The following RYR3 variants were observed in gnomAD, a reference collection of about 807,000 sequenced individuals.
RYR3 encodes the protein ryanodine receptor 3.
RYR3 carries 207 observed loss-of-function variants against 584.3 expected under a neutral mutation model. The observed-to-expected ratio is 0.35, with a 90% confidence interval of 0.32 to 0.40. The LOEUF (loss-of-function observed/expected upper bound fraction) is 0.40. Ranked by LOEUF, RYR3 falls within the 10% of genes least tolerant of loss-of-function variation. The probability of loss-of-function intolerance (pLI) is 1.00; values close to 1 mark genes in which losing one functional copy is unlikely to be tolerated. For missense variants in RYR3, 5,616 were observed against 6,089.2 expected (o/e 0.92, Z 2.59); for synonymous variants, 2,416 against 2,248.5 (o/e 1.07, Z -2.11).
At chr15:33,758,555 A>G (rs4780179) in intron 60 of RYR3, among the ~76,000 whole-genome samples, 152,173 of 152,300 alleles carry the variant, frequency 1, 76,024 homozygotes, top group Middle Eastern at 1. Flanking sequence ...GGAACGCACC[A>G]CAGCACGGCA....
chr15:33,864,022 G>C (rs935359211), intron 102 of RYR3, 116 bp from the exon 103 acceptor site: 2 of 672,760 alleles, frequency 3.0e-6, no homozygotes, highest in Non-Finnish European at 2.6e-6. Context: ...GATCATTTAA[G>C]TCACTGTAGA....
intron 1 of RYR3, among the ~76,000 whole-genome samples, chr15:33,349,205 A>C (rs1389780870): frequency 6.7e-6 from 1 of 148,510 alleles, no homozygotes; most frequent in African/African-American, 2.5e-5. Flanking sequence ...AATTGCTTCC[A>C]GTTTTGGGGA....
At chr15:33,681,020 C>T (rs900645546) in intron 38 of RYR3, among the ~76,000 whole-genome samples, 1 of 152,184 alleles carries the variant, frequency 6.6e-6, no homozygotes, top group Non-Finnish European at 1.5e-5. Context: ...TAGGTGCTTT[C>T]TGTGTTTAAT....
In RYR3 at chr15:33,647,442, A is replaced by G; in HGVS notation, c.3960A>G (p.Ile1320Met). Residue 1320 changes from isoleucine to methionine, a missense_variant, in exon 30 of 104, where the codon ATA becomes ATG. Physicochemically the swap from Ile to Met is conservative, Grantham distance 10 (BLOSUM62 1). This residue lies in a region of RYR3 where 753 missense variants were observed against 741.0 expected (regional missense o/e 1.02). Coordinates refer to ENST00000634891, the MANE Select transcript of RYR3 (RefSeq NM_001036.6). ...AFQKRKQMQE[I>M]LSHTTTQCYY... ...CCCCCAGGAAACAGATGCAAGAAAT[A>G]CTCTCTCATACAACAACAGTAAGTA... The G allele has an allele frequency of 2.5e-6, 4 of 1,606,854 alleles. No homozygotes were observed. Among genetic ancestry groups the G allele is most frequent in the Non-Finnish European group, 3.4e-6 (4 of 1,173,644 alleles).
intron 18 of RYR3, among the ~76,000 whole-genome samples, chr15:33,610,221 A>G (rs1253034455): frequency 6.6e-6 from 1 of 152,160 alleles, no homozygotes; most frequent in South Asian, 2.1e-4. Context: ...CCATTCTGCA[A>G]CTATGTTAGA....
At chr15:33,677,921 A>G (rs376318477) in intron 38 of RYR3, among the ~76,000 whole-genome samples, 50 of 152,342 alleles carry the variant, frequency 3.3e-4, no homozygotes, top group African/African-American at 1.2e-3. Flanking sequence ...GGATAGAGTC[A>G]GGAGGCTCCA....
At chr15:33,363,628 G>A (rs1443458691) in intron 1 of RYR3, among the ~76,000 whole-genome samples, 2 of 152,126 alleles carry the variant, frequency 1.3e-5, no homozygotes, top group Non-Finnish European at 2.9e-5. Flanking sequence ...ATTATTTAAA[G>A]GAATTACTGA....
At chr15:33,546,670 T>A (rs556288195) in intron 8 of RYR3, among the ~76,000 whole-genome samples, 1 of 152,320 alleles carries the variant, frequency 6.6e-6, no homozygotes, top group South Asian at 2.1e-4. Context: ...TAAGTACCCT[T>A]ATTAGAAAGC....
intron 1 of RYR3, among the ~76,000 whole-genome samples, chr15:33,382,777 T>G (rs1160072577): frequency 6.6e-6 from 1 of 152,176 alleles, no homozygotes; most frequent in Non-Finnish European, 1.5e-5. Flanking sequence ...TATATATGCA[T>G]AGAAAAATTT....
At chr15:33,498,668 C>A (rs2051663608) in intron 2 of RYR3, among the ~76,000 whole-genome samples, 1 of 152,110 alleles carries the variant, frequency 6.6e-6, no homozygotes, top group African/African-American at 2.4e-5. Flanking sequence ...CTTTTCTGTG[C>A]ACAAGCTTTT....
At chr15:33,629,913 C>T (rs1171205132) in intron 21 of RYR3, 27 bp from the exon 22 acceptor site, 1 of 1,362,814 alleles carries the variant, frequency 7.3e-7, no homozygotes. Context: ...AAACTTAAAT[C>T]ACATTCTTTC....
chr15:33,553,940 G>A (rs989653076), intron 10 of RYR3, among the ~76,000 whole-genome samples: 4 of 152,042 alleles, frequency 2.6e-5, no homozygotes, highest in African/African-American at 7.2e-5. Context: ...CTTGAGCTCC[G>A]GCATACTATT....
chr15:33,589,649 A>G (rs985800410), intron 16 of RYR3, among the ~76,000 whole-genome samples: 1 of 152,188 alleles, frequency 6.6e-6, no homozygotes, highest in African/African-American at 2.4e-5. Context: ...TTAGTGAAAG[A>G]GAGGGATCCC....
chr15:33,425,572 C>T (rs1012192515), intron 1 of RYR3, among the ~76,000 whole-genome samples: 3 of 151,646 alleles, frequency 2.0e-5, no homozygotes, highest in African/African-American at 7.3e-5. Flanking sequence ...GTGTTGTCTG[C>T]TATAGTCTAC....
At chr15:33,562,247 C>T (rs975145656) in intron 10 of RYR3, among the ~76,000 whole-genome samples, 4 of 152,154 alleles carry the variant, frequency 2.6e-5, no homozygotes, top group East Asian at 3.9e-4. Flanking sequence ...AGAATGAAAC[C>T]GCTTGACTAC....
At chr15:33,551,899 C>T (rs926463185) in intron 10 of RYR3, among the ~76,000 whole-genome samples, 2 of 152,150 alleles carry the variant, frequency 1.3e-5, no homozygotes, top group African/African-American at 4.8e-5. Context: ...GTCGTAAGAA[C>T]AGAGACTGGG....
intron 38 of RYR3, among the ~76,000 whole-genome samples, chr15:33,679,494 A>G (rs796066599): frequency 3.3e-5 from 5 of 152,338 alleles, no homozygotes; most frequent in African/African-American, 1.2e-4. Flanking sequence ...ATTTAACCCA[A>G]TGAAGCCAAA....
chr15:33,819,826 C>T lies in RYR3; in HGVS notation c.10758+19C>T. On this transcript the variant is annotated intron_variant, in intron 77 of 103. Transcript: ENST00000634891. ...GGCCAAGGTACACCCAGGTTTTCTG[C>T]CCATTGTCTCTGTCTTTCTGTCTTC... 1 of 1,573,272 alleles carries T rather than the reference C, an allele frequency of 6.4e-7. No individual in the cohort carries two copies.
At position 33,646,340 on chromosome 15, in the gene RYR3, C is replaced by T. The variant is rs1335982719; in HGVS notation, c.3766-11C>T. 6.3e-7 allele frequency: 1 copy of T among 1,590,250 alleles called. No individual in the cohort carries two copies. The highest frequency in any genetic ancestry group is 8.6e-7 in the Non-Finnish European group (1 of 1,163,804). ...TTGGTATGTCAAGGTAAGGACTCGT[C>T]CTGTTTCCAGGTCATGAGGATTGAT... On this transcript the variant is annotated splice_polypyrimidine_tract_variant and intron_variant, in intron 28 of 103. Coordinates refer to ENST00000634891, the MANE Select transcript of RYR3 (RefSeq NM_001036.6).
Sources: allele counts gnomAD v4.1 joint callset (sites outside exome capture counted in the v4.1 genomes callset), GRCh38; gene constraint gnomAD v4.1.1; regional missense constraint gnomAD v4.1.1; transcripts MANE v1.5; gene names NCBI Gene and HGNC (gene_info 2026-07-23, HGNC 2026-07-21).